DNAH12: variants seen among roughly 807,000 people sequenced by gnomAD.
The protein encoded by DNAH12 is dynein axonemal heavy chain 12.
Under a neutral mutation model 371.5 loss-of-function variants are expected in DNAH12, and 285 were observed. That is an observed-to-expected ratio of 0.77 (90% CI 0.70 to 0.85). The LOEUF (loss-of-function observed/expected upper bound fraction) is 0.85, where lower values mean the gene tolerates loss of function less well. Ranked by LOEUF, DNAH12 falls within the 40% of genes least tolerant of loss-of-function variation. The pLI is 0.00. For missense variants in DNAH12, 3,611 were observed against 3,689.4 expected, an observed-to-expected ratio of 0.98 and a Z score of 0.55; for synonymous variants, 1,200 against 1,213.0, an observed-to-expected ratio of 0.99 and a Z score of 0.22.
At chr3:57,406,991 T>C (rs60847261) in intron 40 of DNAH12, among the ~76,000 whole-genome samples, 46,815 of 151,806 alleles carry the variant, frequency 0.31, 7,875 homozygotes, top group South Asian at 0.43. Flanking sequence ...CTCCACCTCC[T>C]GGATTCAAGT....
chr3:57,543,372 G>A (rs1191146029), intron 1 of DNAH12, among the ~76,000 whole-genome samples: 1 of 137,158 alleles, frequency 7.3e-6, no homozygotes, highest in African/African-American at 2.9e-5. Flanking sequence ...GCCCAGGCTG[G>A]AGTGCAATGG....
chr3:57,551,283 AT>A, the DNAH12 span, among the ~76,000 whole-genome samples: 6 of 145,560 alleles, frequency 4.1e-5, no homozygotes, highest in South Asian at 1.3e-3. Context: ...TTATTTATTT[AT>A]TTTTTGAGAT....
Position 57,311,056 on chromosome 3 carries a change from A to G in DNAH12, c.10663-106T>C. 3.6e-6 allele frequency: 3 copies of G among 824,564 alleles called. No homozygotes were observed. In the South Asian group the frequency reaches 5.3e-5, roughly 15 times the overall value. The allele number at this position is 824,564 out of a possible 1,614,324, so 51.1% of individuals were successfully genotyped here. ...TAGAAAGGGGGTTGAAAGAATTATC[A>G]TGAGTTGTCTTTCGGTAGCTGAGAT... On this transcript the variant is annotated intron_variant, in intron 66 of 73. Transcript: ENST00000495027.
chr3:57,358,990 G>C (rs1055645854), intron 58 of DNAH12, among the ~76,000 whole-genome samples: 2 of 151,954 alleles, frequency 1.3e-5, no homozygotes, highest in African/African-American at 4.8e-5. Context: ...CACCATGTTG[G>C]TCAGGCTAGT....
At chr3:57,324,797 C>G (rs561069230) in intron 62 of DNAH12, among the ~76,000 whole-genome samples, 1 of 152,356 alleles carries the variant, frequency 6.6e-6, no homozygotes, top group South Asian at 2.1e-4. Context: ...CGCAAGGGGT[C>G]AGGGAGTTCC....
At chr3:57,313,807 A>C (rs537468278) in intron 66 of DNAH12, among the ~76,000 whole-genome samples, 1 of 152,152 alleles carries the variant, frequency 6.6e-6, no homozygotes, top group East Asian at 1.9e-4. Flanking sequence ...ACCCCATCTC[A>C]AAAAAAATTA....
intron 59 of DNAH12, among the ~76,000 whole-genome samples, chr3:57,353,444 CACCA>C (rs2062729515): frequency 1.3e-5 from 2 of 152,130 alleles, no homozygotes. Flanking sequence ...AGGTGCATGG[CACCA>C]TGCCCAGCTA....
intron 2 of DNAH12, chr3:57,536,471 C>G (rs2069051279): frequency 6.6e-6 from 1 of 152,202 alleles, no homozygotes; most frequent in South Asian, 2.1e-4. Flanking sequence ...TATCCTAAAA[C>G]TGAATTAGCC....
intron 65 of DNAH12, among the ~76,000 whole-genome samples, chr3:57,316,923 C>T (rs888179612): frequency 1.3e-5 from 2 of 152,146 alleles, no homozygotes; most frequent in Non-Finnish European, 2.9e-5. Context: ...TCAGATATTT[C>T]TTTATAGCAG....
chr3:57,554,390 C>G, the DNAH12 span, among the ~76,000 whole-genome samples: 1 of 151,940 alleles, frequency 6.6e-6, no homozygotes, highest in Admixed American at 6.6e-5. Context: ...AGCTTTTCCC[C>G]TTTCAAGAAA....
chr3:57,436,441 T>C (rs976265613), intron 30 of DNAH12, among the ~76,000 whole-genome samples: 11 of 152,172 alleles, frequency 7.2e-5, no homozygotes, highest in African/African-American at 2.4e-4. Flanking sequence ...CACATTACAG[T>C]GTTGGCTGTG....
chr3:57,312,082 G>T lies in DNAH12; in HGVS notation c.10663-1132C>A, dbSNP rs17057995. Among the ~76,000 whole-genome samples, 1,485 of 152,152 alleles carry T rather than the reference G, an allele frequency of 9.8e-3. 16 individuals carry two copies. Among genetic ancestry groups the T allele is most frequent in the African/African-American group, 0.034 (1,415 of 41,514 alleles). ...TGTGTATTGGGATGGTATAAGTTGT[G>T]GGTTGAGAGCTTTTCCTGCCCCTGA... On this transcript the variant is annotated intron_variant, in intron 66 of 73. Coordinates refer to ENST00000495027, the MANE Select transcript of DNAH12 (RefSeq NM_001366028.2).
At chr3:57,299,681 A>G (rs1024905373) in intron 70 of DNAH12, among the ~76,000 whole-genome samples, 4 of 152,126 alleles carry the variant, frequency 2.6e-5, no homozygotes, top group East Asian at 3.9e-4. Context: ...TAGCACCCTT[A>G]TAAGAAGAAA....
intron 2 of DNAH12, among the ~76,000 whole-genome samples, chr3:57,533,953 G>C (rs2068938425): frequency 5.9e-5 from 9 of 152,166 alleles, no homozygotes; most frequent in Admixed American, 5.9e-4. Flanking sequence ...CAGTCCTTGT[G>C]GCCTAGACTG....
At chr3:57,498,732 G>T (rs2067402090) in intron 11 of DNAH12, among the ~76,000 whole-genome samples, 1 of 152,126 alleles carries the variant, frequency 6.6e-6, no homozygotes, top group East Asian at 1.9e-4. Flanking sequence ...AGGCGCGGTG[G>T]CTCACACCTG....
intron 28 of DNAH12, among the ~76,000 whole-genome samples, 149 bp downstream of exon 28, chr3:57,445,022 TAAC>T (rs2065437631): frequency 6.6e-6 from 1 of 151,990 alleles, no homozygotes; most frequent in African/African-American, 2.4e-5. Context: ...ATATGAAGTA[TAAC>T]AACATAACCC....
At chr3:57,390,420 A>T (rs1324600921) in intron 45 of DNAH12, among the ~76,000 whole-genome samples, 1 of 30,022 alleles carries the variant, frequency 3.3e-5, no homozygotes, top group African/African-American at 6.3e-5. Flanking sequence ...AAAAAAAAAA[A>T]AAAAATATAT....
the DNAH12 span, among the ~76,000 whole-genome samples, chr3:57,554,931 A>T: frequency 6.6e-6 from 1 of 152,140 alleles, no homozygotes; most frequent in African/African-American, 2.4e-5. Context: ...TAAGACCTTT[A>T]AAAGAAATAG....
chr3:57,426,130 T>C (rs2064760955), intron 34 of DNAH12, among the ~76,000 whole-genome samples: 1 of 152,112 alleles, frequency 6.6e-6, no homozygotes, highest in South Asian at 2.1e-4. Context: ...GGGGAATGTA[T>C]ACAAAGAAAT....
Sources: gnomAD v4.1 joint callset for allele counts (sites outside exome capture counted in the v4.1 genomes callset) on GRCh38, gnomAD v4.1.1 for gene constraint, MANE v1.5 for transcripts, NCBI Gene and HGNC (gene_info 2026-07-23, HGNC 2026-07-21) for gene names.